SPINK8: variants seen among roughly 807,000 people sequenced by gnomAD.
The protein encoded by SPINK8 is serine peptidase inhibitor Kazal type 8 (putative), also known as serine protease inhibitor Kazal-type 8.
SPINK8 carries 12 observed loss-of-function variants against 14.4 expected under a neutral mutation model. That is an observed-to-expected ratio of 0.83 (90% CI 0.53 to 1.35). SPINK8 has a LOEUF of 1.35. Among genes scored for constraint, SPINK8 ranks in the 40% most tolerant of loss-of-function variants. The pLI, the probability that SPINK8 is intolerant of heterozygous loss-of-function variation, is 0.00. For synonymous variants in SPINK8, 32 were observed against 37.6 expected (o/e 0.85, Z 0.55); for missense variants, 103 against 117.0 (o/e 0.88, Z 0.55).
chr3:48,320,381 C>G (rs1284594113), intron 5 of SPINK8, among the ~76,000 whole-genome samples: 1 of 152,058 alleles, frequency 6.6e-6, no homozygotes, highest in South Asian at 2.1e-4. Context: ...AACCCCATCT[C>G]TACTAAAAAT....
intron 2 of SPINK8, among the ~76,000 whole-genome samples, chr3:48,332,130 C>T (rs1303882276): frequency 1.3e-5 from 2 of 152,208 alleles, no homozygotes; most frequent in Admixed American, 6.5e-5. Flanking sequence ...AATCAAATCC[C>T]TATTAGGCAT....
intron 5 of SPINK8, among the ~76,000 whole-genome samples, chr3:48,319,850 G>T (rs2036047255): frequency 6.6e-6 from 1 of 152,094 alleles, no homozygotes; most frequent in African/African-American, 2.4e-5. Flanking sequence ...TCTTTATTAA[G>T]ATAAAAATAC....
chr3:48,311,051 C>A (rs1044200896), intron 6 of SPINK8, among the ~76,000 whole-genome samples: 3 of 151,266 alleles, frequency 2.0e-5, no homozygotes, highest in African/African-American at 7.3e-5. Context: ...GACAAAATGG[C>A]CTTTATCCCA....
intron 4 of SPINK8, among the ~76,000 whole-genome samples, chr3:48,323,455 G>T (rs1205028051): frequency 6.6e-6 from 1 of 152,180 alleles, no homozygotes; most frequent in African/African-American, 2.4e-5. Context: ...AAGTCCAATT[G>T]ATCTTTTTGT....
At chr3:48,310,123 G>T (rs964419670) in intron 6 of SPINK8, among the ~76,000 whole-genome samples, 177 bp from the exon 7 acceptor site, 7 of 152,058 alleles carry the variant, frequency 4.6e-5, no homozygotes, top group African/African-American at 1.7e-4. Flanking sequence ...AAGACATTGA[G>T]TATAGAAAAC....
intron 6 of SPINK8, among the ~76,000 whole-genome samples, chr3:48,315,651 G>A (rs535564369): frequency 6.9e-6 from 1 of 144,306 alleles, no homozygotes; most frequent in African/African-American, 2.6e-5. Flanking sequence ...AATCCAGGAG[G>A]CAGAGGTTGC....
chr3:48,306,950 A>G lies in SPINK8; in HGVS notation c.*42T>C. ...AGGCAACCATTGTGTTTCACTTGGC[A>G]ATCTGGAGATTCAGTAGGTTTTATA... is the stretch of plus-strand genomic sequence containing the variant. On this transcript the variant is annotated 3_prime_UTR_variant, in exon 8 of 8. Coordinates refer to ENST00000434006, the MANE Select transcript of SPINK8 (RefSeq NM_001080525.3). 2.5e-6 allele frequency: 4 copies of G among 1,608,972 alleles called. No homozygotes were observed. The highest frequency in any genetic ancestry group is 3.4e-6 in the Non-Finnish European group (4 of 1,176,680).
At chr3:48,321,102 G>C (rs375962447) in intron 4 of SPINK8, 28 bp from the exon 5 acceptor site, 30 of 1,561,714 alleles carry the variant, frequency 1.9e-5, no homozygotes, top group Admixed American at 1.7e-4. Flanking sequence ...ATACAGAAAA[G>C]TTGCTTCTCT....
chr3:48,306,856 T>C lies in SPINK8; in HGVS notation c.*136A>G. 2.5e-6 allele frequency: 2 copies of C among 810,804 alleles called. No homozygotes were observed. Among genetic ancestry groups the C allele is most frequent in the Non-Finnish European group, 3.9e-6 (2 of 511,908 alleles). 50.2% of individuals were successfully genotyped at this position (810,804 alleles called of 1,614,324 possible). A position where few individuals can be genotyped will look rare whatever the true frequency, so the allele number is the denominator to read the frequency against. ...TGCCAGCCAGGTTTTCTGCTAAGAA[T>C]CATTTATTGAAGACATAAATCAACG... On this transcript the variant is annotated 3_prime_UTR_variant, in exon 8 of 8. Transcript: ENST00000434006.
Position 48,318,165 on chromosome 3 carries a change from G to A in SPINK8, c.239+1332C>T, listed in dbSNP as rs2036019614. Among the ~76,000 whole-genome samples the A allele has an allele frequency of 2.0e-5, 3 of 151,898 alleles. 1 individual carries two copies. The East Asian group carries it at 5.8e-4, about 29-fold the overall frequency. On this transcript the variant is annotated intron_variant, in intron 6 of 7. Coordinates refer to ENST00000434006, the MANE Select transcript of SPINK8 (RefSeq NM_001080525.3). ...GAATAATTTCTTTTTTTTTGAGACG[G>A]AGTCTTGCTTTATCTCCCAGGCTGG...
intron 4 of SPINK8, among the ~76,000 whole-genome samples, chr3:48,323,067 G>GTGAA (rs2036095743): frequency 6.6e-6 from 1 of 152,088 alleles, no homozygotes; most frequent in South Asian, 2.1e-4. Context: ...TCACATCTTT[G>GTGAA]CTAACATTTG....
At position 48,321,080 on chromosome 3, in the gene SPINK8, A is replaced by C. The variant is rs774045328; in HGVS notation, c.68-6T>G. 1.5e-5 allele frequency: 23 copies of C among 1,574,768 alleles called. No individual in the cohort carries two copies. The Admixed American group carries it at 4.0e-4, about 28-fold the overall frequency. ...GGCCATAGGAAGGGGGAAGTCTGGA[A>C]GACAAAAGCACATACAGAAAAGTTG... On this transcript the variant is annotated splice_polypyrimidine_tract_variant and splice_region_variant and intron_variant, in intron 4 of 7. Transcript: ENST00000434006.
At chr3:48,308,219 C>A (rs1217109371) in intron 7 of SPINK8, among the ~76,000 whole-genome samples, 13 of 152,136 alleles carry the variant, frequency 8.5e-5, no homozygotes, top group African/African-American at 3.1e-4. Flanking sequence ...TGTGATCCGC[C>A]TGCCTTGGCC....
At chr3:48,331,104 G>C (rs1302710567) in intron 2 of SPINK8, among the ~76,000 whole-genome samples, 1 of 152,158 alleles carries the variant, frequency 6.6e-6, no homozygotes, top group Non-Finnish European at 1.5e-5. Context: ...TTTGATTCTG[G>C]AAGAGACAAA....
At chr3:48,331,087 T>C (rs2036251964) in intron 2 of SPINK8, among the ~76,000 whole-genome samples, 1 of 152,164 alleles carries the variant, frequency 6.6e-6, no homozygotes, top group Admixed American at 6.6e-5. Context: ...ATTTGTAGTT[T>C]TACAGCTTTG....
intron 2 of SPINK8, among the ~76,000 whole-genome samples, chr3:48,329,975 C>T (rs941952372): frequency 4.6e-5 from 7 of 152,150 alleles, no homozygotes; most frequent in Admixed American, 2.0e-4. Flanking sequence ...TTTCTCAAAA[C>T]GCTAACATTT....
intron 4 of SPINK8, among the ~76,000 whole-genome samples, chr3:48,327,566 A>G (rs1461233561): frequency 1.3e-5 from 2 of 152,228 alleles, no homozygotes; most frequent in East Asian, 1.9e-4. Flanking sequence ...TATGCTCAGT[A>G]GCAGTGGGGG....
At chr3:48,307,169 A>C (rs1198991644) in intron 7 of SPINK8, among the ~76,000 whole-genome samples, 166 bp from the exon 8 acceptor site, 4 of 152,204 alleles carry the variant, frequency 2.6e-5, no homozygotes, top group African/African-American at 7.2e-5. Flanking sequence ...AGGAAAAAGC[A>C]GAGTGAAAGT....
chr3:48,324,999 G>A (rs1224187884), intron 4 of SPINK8, among the ~76,000 whole-genome samples: 1 of 152,118 alleles, frequency 6.6e-6, no homozygotes, highest in African/African-American at 2.4e-5. Flanking sequence ...GTTCATAATT[G>A]TTTTATCTTC....
Sources: allele counts gnomAD v4.1 joint callset (sites outside exome capture counted in the v4.1 genomes callset), GRCh38; gene constraint gnomAD v4.1.1; transcripts MANE v1.5; gene names NCBI Gene and HGNC (gene_info 2026-07-23, HGNC 2026-07-21).